Variants in ERBB2 observed in about 807,000 individuals in gnomAD.
ERBB2 encodes the protein receptor tyrosine-protein kinase erbB-2.
ERBB2 carries 61 observed loss-of-function variants against 149.0 expected under a neutral mutation model. That is an observed-to-expected ratio of 0.41 (90% confidence interval 0.33 to 0.51). The LOEUF (loss-of-function observed/expected upper bound fraction) is 0.51, where lower values mean the gene tolerates loss of function less well. Among genes scored for constraint, ERBB2 ranks in the 20% least tolerant of loss-of-function variants. The pLI, the probability that ERBB2 is intolerant of heterozygous loss-of-function variation, is 0.25. For synonymous variants in ERBB2, 633 were observed against 678.8 expected (o/e 0.93, Z 1.05); for missense variants, 1,205 against 1,655.1 (o/e 0.73, Z 4.72).
At position 39,727,287 on chromosome 17, in the gene ERBB2, G is replaced by A. The variant is rs375655626; in HGVS notation, c.3160-8G>A. ...GACCCCCATCATGACTTTCTTTCTTGTCCCCAGAGTGGCGGTGGGGACCTG... is the reference window on the plus strand; with the variant it reads ...GACCCCCATCATGACTTTCTTTCTTATCCCCAGAGTGGCGGTGGGGACCTG... On this transcript the variant is annotated splice_region_variant and splice_polypyrimidine_tract_variant and intron_variant, in intron 25 of 26. Coordinates refer to ENST00000269571, the MANE Select transcript of ERBB2 (RefSeq NM_004448.4). The surrounding 1 kb of genome is among the most constrained non-coding windows in gnomAD (Gnocchi z 4.3). The A allele has an allele frequency of 1.1e-4, 173 of 1,611,514 alleles. No homozygotes were observed. Among genetic ancestry groups the A allele is most frequent in the Admixed American group, 1.9e-4 (11 of 59,158 alleles).
At position 39,727,010 on chromosome 17, in the gene ERBB2, G is replaced by A. The variant is rs1329312357; in HGVS notation, c.3159+7G>A. On this transcript the variant is annotated splice_region_variant and intron_variant, in intron 25 of 26. Coordinates refer to ENST00000269571, the MANE Select transcript of ERBB2 (RefSeq NM_004448.4). This position sits in a 1 kb window ranked among gnomAD's most constrained non-coding sequence, Gnocchi z 4.3. The stretch of plus-strand genomic sequence containing the variant: ...CCGCAGCTCATCTACCAGGGTCAGT[G>A]CCCTCGGTCACACTGTGTGGCTGTC... 6.3e-7 allele frequency: 1 copy of A among 1,583,666 alleles called. No homozygotes were observed. The highest frequency in any genetic ancestry group is 1.2e-5 in the South Asian group (1 of 86,810).
chr17:39,705,804 C>T (rs1399855313), intron 1 of ERBB2, among the ~76,000 whole-genome samples: 2 of 152,176 alleles, frequency 1.3e-5, no homozygotes, highest in African/African-American at 4.8e-5. Flanking sequence ...GACCCCAAGC[C>T]AGCCCTTGTG....
intron 15 of ERBB2, chr17:39,717,753 ATAT>A (rs1258519782): frequency 2.7e-5 from 7 of 262,964 alleles, no homozygotes; most frequent in Non-Finnish European, 5.1e-5. Flanking sequence ...ACATATATTA[ATAT>A]TATTCTCCAG....
chr17:39,727,627 AG>A lies in ERBB2; in HGVS notation c.3413-59del. On this transcript the variant is annotated intron_variant, in intron 26 of 26. Transcript: ENST00000269571. This position sits in a 1 kb window ranked among gnomAD's most constrained non-coding sequence, Gnocchi z 4.3. The stretch of plus-strand genomic sequence containing the variant: ...AGCCCAGGGTCCACTGTGGGGGCAG[AG>A]GGAGTGGCAGAGACACCGGGGTTCC... 1 of 1,557,934 alleles carries A rather than the reference AG, an allele frequency of 6.4e-7. No homozygotes were observed. Among genetic ancestry groups the A allele is most frequent in the Non-Finnish European group, 8.7e-7 (1 of 1,155,212 alleles).
chr17:39,720,461 C>A (rs980012407), intron 16 of ERBB2, among the ~76,000 whole-genome samples: 1 of 151,980 alleles, frequency 6.6e-6, no homozygotes, highest in African/African-American at 2.4e-5. Flanking sequence ...CAGTGGGGAC[C>A]TTTGGAAAGG....
chr17:39,694,213 A>AT (rs2057779927), upstream of ERBB2, among the ~76,000 whole-genome samples: 3 of 52,370 alleles, frequency 5.7e-5, no homozygotes, highest in African/African-American at 3.1e-4. Context: ...AAAAAAAAAA[A>AT]AAAAAAAAAA....
chr17:39,727,429 G>A lies in ERBB2; in HGVS notation c.3294G>A (p.Leu1098=), dbSNP rs770506053. ...TGGGAATGGGGGCAGCCAAGGGGCT[G>A]CAAAGCCTCCCCACACATGACCCCA... is the stretch of plus-strand genomic sequence containing the variant. The part of the protein sequence containing the change: ...GDLGMGAAKG[L]QSLPTHDPSP... Residue 1098 remains leucine, a synonymous_variant, in exon 26 of 27, where the codon CTG becomes CTA. Coordinates refer to ENST00000269571, the MANE Select transcript of ERBB2 (RefSeq NM_004448.4). The surrounding 1 kb of genome is among the most constrained non-coding windows in gnomAD (Gnocchi z 4.3). 3.3e-5 allele frequency: 53 copies of A among 1,611,372 alleles called. No individual in the cohort carries two copies. The South Asian group carries it at 5.7e-4, about 17-fold the overall frequency.
chr17:39,692,405 CTT>C (rs779846935), upstream of ERBB2, among the ~76,000 whole-genome samples: 26 of 142,888 alleles, frequency 1.8e-4, no homozygotes, highest in African/African-American at 2.6e-4. Context: ...GTAAGGAACA[CTT>C]TTTTTTTTTT....
upstream of ERBB2, among the ~76,000 whole-genome samples, chr17:39,698,988 C>G (rs2057944752): frequency 6.6e-6 from 1 of 151,702 alleles, no homozygotes. Context: ...TTCCTTCCAT[C>G]CCCACCCCTA....
At position 39,720,615 on chromosome 17, in the gene ERBB2, A is replaced by G. The variant is rs879760155; in HGVS notation, c.1946+781A>G. Among the ~76,000 whole-genome samples the G allele has an allele frequency of 5.9e-5, 9 of 152,188 alleles. No homozygotes were observed. The East Asian group carries it at 1.4e-3, about 23-fold the overall frequency. ...GAGAGGGTGACAAGAATATTGGATCAACACCCGGGAGCTCCATCTATCCCA... is the reference window on the plus strand; with the variant it reads ...GAGAGGGTGACAAGAATATTGGATCGACACCCGGGAGCTCCATCTATCCCA... On this transcript the variant is annotated intron_variant, in intron 16 of 26. Coordinates refer to ENST00000269571, the MANE Select transcript of ERBB2 (RefSeq NM_004448.4).
chr17:39,704,584 C>T (rs34006795), intron 1 of ERBB2, among the ~76,000 whole-genome samples: 14,806 of 151,922 alleles, frequency 0.097, 1,732 homozygotes, highest in African/African-American at 0.28. Flanking sequence ...AAAAAGAAAA[C>T]CAATGGGACA....
Position 39,725,908 on chromosome 17 carries a change from A to C in ERBB2, c.2872+55A>C. 2 of 1,595,278 alleles carry C rather than the reference A, an allele frequency of 1.3e-6. No individual in the cohort carries two copies. The highest frequency in any genetic ancestry group is 4.5e-5 in the East Asian group (2 of 44,546). On this transcript the variant is annotated intron_variant, in intron 23 of 26. Coordinates refer to ENST00000269571, the MANE Select transcript of ERBB2 (RefSeq NM_004448.4). This position sits in a 1 kb window ranked among gnomAD's most constrained non-coding sequence, Gnocchi z 4.6. ...GAGGAGGGTGGGAGGTCCTGGGTGG[A>C]GGAGCCCACAAGGGGCATGAAAGGG...
At chr17:39,716,127 G>A in intron 12 of ERBB2, 174 bp from the exon 13 acceptor site, 1 of 966,682 alleles carries the variant, frequency 1.0e-6, no homozygotes, top group Non-Finnish European at 1.5e-6. Context: ...ACCTGCCTTG[G>A]CATCCTTCCC....
At position 39,723,808 on chromosome 17, in the gene ERBB2, C is replaced by T; in HGVS notation, c.2209-104C>T. ...AGCGGAGAAGGGAGCGGGGCCAAGCCCTAGGGTGGTGAAGGATGTTTGGAG... is the reference window on the plus strand; with the variant it reads ...AGCGGAGAAGGGAGCGGGGCCAAGCTCTAGGGTGGTGAAGGATGTTTGGAG... On this transcript the variant is annotated intron_variant, in intron 18 of 26. Transcript: ENST00000269571. The surrounding 1 kb of genome is among the most constrained non-coding windows in gnomAD (Gnocchi z 6.2). 1.3e-6 allele frequency: 2 copies of T among 1,492,048 alleles called. No individual in the cohort carries two copies. Among genetic ancestry groups the T allele is most frequent in the African/African-American group, 1.4e-5 (1 of 72,610 alleles). 92.4% of individuals were successfully genotyped at this position (1,492,048 alleles called of 1,614,324 possible). A position where few individuals can be genotyped will look rare whatever the true frequency, so the allele number is the denominator to read the frequency against.
chr17:39,689,133 G>A (rs563737584), intron 2 of ERBB2, among the ~76,000 whole-genome samples: 19 of 152,286 alleles, frequency 1.2e-4, no homozygotes, highest in African/African-American at 4.6e-4. Context: ...GAATGAGTAA[G>A]AAGTAGCCTG....
At chr17:39,712,166 C>T (rs758555510) in intron 8 of ERBB2, 119 bp downstream of exon 8, 30 of 1,544,618 alleles carry the variant, frequency 1.9e-5, no homozygotes, top group Non-Finnish European at 2.6e-5. Context: ...TCTCTGCCTT[C>T]TACTCTCTAC....
At chr17:39,705,767 G>C (rs1282498322) in intron 1 of ERBB2, among the ~76,000 whole-genome samples, 1 of 152,180 alleles carries the variant, frequency 6.6e-6, no homozygotes, top group Non-Finnish European at 1.5e-5. Context: ...GCTCCAACTT[G>C]CTGGGAGAGC....
chr17:39,710,519 T>G lies in ERBB2; in HGVS notation c.901+38T>G, dbSNP rs1302725250. 1.9e-6 allele frequency: 3 copies of G among 1,612,210 alleles called. No individual in the cohort carries two copies. In the Admixed American group the frequency reaches 5.0e-5, roughly 27 times the overall value. On this transcript the variant is annotated intron_variant, in intron 7 of 26. Transcript: ENST00000269571. ...GAGAAACACAGTTTTCTCATTTTGG[T>G]GGGGAGGTTTGTTTCTGTAAATGGG...
chr17:39,724,273 T>TTTTTTCTTTTTC (rs1210309556), intron 19 of ERBB2, among the ~76,000 whole-genome samples: 2 of 94,046 alleles, frequency 2.1e-5, no homozygotes, highest in African/African-American at 9.0e-5. Context: ...CGCCCGCTAA[T>TTTTTTCTTTTTC]TTTTTTTTTT....
Sources: allele counts gnomAD v4.1 joint callset (sites outside exome capture counted in the v4.1 genomes callset), GRCh38; gene constraint gnomAD v4.1.1; non-coding constraint Gnocchi (gnomAD v3.1); transcripts MANE v1.5; gene names NCBI Gene and HGNC (gene_info 2026-07-23, HGNC 2026-07-21).